The following CSNK1G1 variants were observed in gnomAD, a reference collection of about 807,000 sequenced individuals.
The protein encoded by CSNK1G1 is casein kinase 1 gamma 1, also known as casein kinase I isoform gamma-1.
A neutral mutation model predicts 59.6 loss-of-function variants in CSNK1G1; 22 were observed. The ratio of observed to expected loss-of-function variants is 0.37; its 90% confidence interval spans 0.26 to 0.53. The LOEUF is 0.53. Ranked by LOEUF, CSNK1G1 falls within the 20% of genes least tolerant of loss-of-function variation. The probability of loss-of-function intolerance (pLI) is 0.89; values close to 1 mark genes in which losing one functional copy is unlikely to be tolerated. For missense variants in CSNK1G1, 384 were observed against 519.5 expected (o/e 0.74, Z 2.54); for synonymous variants, 179 against 177.1 (o/e 1.01, Z -0.08).
At chr15:64,293,370 C>T (rs1036271216) in intron 2 of CSNK1G1, among the ~76,000 whole-genome samples, 1 of 152,142 alleles carries the variant, frequency 6.6e-6, no homozygotes, top group African/African-American at 2.4e-5. Flanking sequence ...TTTAACTTCA[C>T]CTATGAACAC....
chr15:64,191,695 A>T (rs2081973651), intron 10 of CSNK1G1, among the ~76,000 whole-genome samples: 2 of 152,176 alleles, frequency 1.3e-5, no homozygotes, highest in South Asian at 4.1e-4. Flanking sequence ...ATAAATAGAA[A>T]ACTAATGTTA....
At chr15:64,224,374 A>G (rs1328502561) in intron 4 of CSNK1G1, among the ~76,000 whole-genome samples, 1 of 152,218 alleles carries the variant, frequency 6.6e-6, no homozygotes, top group Non-Finnish European at 1.5e-5. Context: ...TTAGCAAGAA[A>G]TCAGAAATAG....
At chr15:64,228,998 G>A (rs1317056445) in intron 4 of CSNK1G1, among the ~76,000 whole-genome samples, 13 of 123,002 alleles carry the variant, frequency 1.1e-4, no homozygotes, top group Admixed American at 9.9e-5. Flanking sequence ...CAGCCTGGGC[G>A]ACAGAGTGAG....
At chr15:64,255,867 G>C (rs554505973) in intron 3 of CSNK1G1, among the ~76,000 whole-genome samples, 4 of 152,200 alleles carry the variant, frequency 2.6e-5, no homozygotes, top group Non-Finnish European at 5.9e-5. Context: ...TGGAATGTTT[G>C]TATCTGTAGG....
chr15:64,246,455 C>T (rs1305759039), intron 4 of CSNK1G1, among the ~76,000 whole-genome samples: 2 of 151,946 alleles, frequency 1.3e-5, no homozygotes, highest in Non-Finnish European at 2.9e-5. Context: ...GACTCCATCC[C>T]TACAAAAAAC....
chr15:64,221,200 G>A (rs1433100754), intron 4 of CSNK1G1, among the ~76,000 whole-genome samples: 2 of 152,154 alleles, frequency 1.3e-5, no homozygotes, highest in African/African-American at 4.8e-5. Flanking sequence ...TCTTTCTAAA[G>A]TACAAGCTAA....
Position 64,213,903 on chromosome 15 carries a change from C to T in CSNK1G1, c.666G>A (p.Thr222=), listed in dbSNP as rs139687499. 1.7e-4 allele frequency: 275 copies of T among 1,610,776 alleles called. No individual in the cohort carries two copies. Among genetic ancestry groups the T allele is most frequent in the Non-Finnish European group, 2.2e-4 (254 of 1,177,182 alleles). The change falls in exon 6 of 12, where the codon ACG becomes ACA. Residue 222 remains threonine (T), a synonymous_variant. Coordinates refer to ENST00000303052, the MANE Select transcript of CSNK1G1 (RefSeq NM_022048.5). ...AAAAAAACACACCTTTGCCAAGATG[C>T]GTGTTGATAGACATATATCTTGCAG... ...TGTARYMSIN[T]HLGKEQSRRD... is the part of the protein sequence containing the mutation.
At chr15:64,238,787 G>C (rs931608965) in intron 4 of CSNK1G1, among the ~76,000 whole-genome samples, 2 of 151,744 alleles carry the variant, frequency 1.3e-5, no homozygotes, top group African/African-American at 4.8e-5. Context: ...CCCAGGGATA[G>C]AGATTCACAG....
Position 64,170,965 on chromosome 15 carries a change from G to C in CSNK1G1, c.*966C>G, listed in dbSNP as rs1436213086. 1 of 152,492 alleles carries C rather than the reference G, an allele frequency of 6.6e-6. No homozygotes were observed. The highest frequency in any genetic ancestry group is 2.4e-5 in the African/African-American group (1 of 41,380). 9.4% of individuals were successfully genotyped at this position (152,492 alleles called of 1,614,324 possible). On this transcript the variant is annotated 3_prime_UTR_variant, in exon 12 of 12. Coordinates refer to ENST00000303052, the MANE Select transcript of CSNK1G1 (RefSeq NM_022048.5). ...TTCAAGTATGTTTTCTTGCCAACCT[G>C]AGTGTTCACTCAGAATGACACCGAG... is the stretch of plus-strand genomic sequence containing the variant.
intron 3 of CSNK1G1, among the ~76,000 whole-genome samples, chr15:64,254,846 T>C (rs1253254745): frequency 6.6e-6 from 1 of 152,222 alleles, no homozygotes; most frequent in Non-Finnish European, 1.5e-5. Flanking sequence ...GATTTTGGTG[T>C]CATATCCAAG....
chr15:64,350,343 G>GA (rs2140492469), intron 1 of CSNK1G1, among the ~76,000 whole-genome samples: 1 of 151,564 alleles, frequency 6.6e-6, no homozygotes, highest in South Asian at 2.1e-4. Context: ...AATACAAAAA[G>GA]AAAAAAAATT....
chr15:64,347,645 T>C (rs532240144), intron 1 of CSNK1G1, among the ~76,000 whole-genome samples: 3 of 122,118 alleles, frequency 2.5e-5, no homozygotes, highest in African/African-American at 9.2e-5. Context: ...GGAAGGAAAA[T>C]GTACAGAAAA....
At chr15:64,286,425 T>C (rs1311849830) in intron 2 of CSNK1G1, among the ~76,000 whole-genome samples, 2 of 148,884 alleles carry the variant, frequency 1.3e-5, no homozygotes, top group Non-Finnish European at 3.0e-5. Flanking sequence ...TAACTTCTAG[T>C]TTCACAGTAC....
intron 2 of CSNK1G1, among the ~76,000 whole-genome samples, chr15:64,298,055 C>T (rs1357757249): frequency 6.6e-6 from 1 of 152,192 alleles, no homozygotes; most frequent in African/African-American, 2.4e-5. Flanking sequence ...CTTCTGACTA[C>T]AGGCAAGTCC....
At chr15:64,283,859 T>C (rs1894271669) in intron 2 of CSNK1G1, among the ~76,000 whole-genome samples, 1 of 152,220 alleles carries the variant, frequency 6.6e-6, no homozygotes, top group African/African-American at 2.4e-5. Context: ...TATCTGTTTT[T>C]TTCTTCTACT....
At chr15:64,231,454 C>A (rs2040301752) in intron 4 of CSNK1G1, among the ~76,000 whole-genome samples, 1 of 148,942 alleles carries the variant, frequency 6.7e-6, no homozygotes, top group Non-Finnish European at 1.5e-5. Context: ...TATACACACA[C>A]ACATATACAT....
chr15:64,258,433 T>C (rs1013996451), intron 3 of CSNK1G1, among the ~76,000 whole-genome samples: 1 of 151,214 alleles, frequency 6.6e-6, no homozygotes, highest in Non-Finnish European at 1.5e-5. Context: ...AAGAATAGCA[T>C]AGATTTCCTT....
chr15:64,340,635 G>T (rs745859837), intron 1 of CSNK1G1, among the ~76,000 whole-genome samples: 15 of 152,148 alleles, frequency 9.9e-5, no homozygotes, highest in Non-Finnish European at 1.5e-4. Flanking sequence ...AAGGGCTAAT[G>T]AAGTTGCTAG....
intron 11 of CSNK1G1, among the ~76,000 whole-genome samples, chr15:64,179,716 C>T (rs958358374): frequency 2.0e-5 from 3 of 152,170 alleles, no homozygotes; most frequent in African/African-American, 7.2e-5. Context: ...GACCATGCAG[C>T]GCACCAAGGG....
Sources: allele counts gnomAD v4.1 joint callset (sites outside exome capture counted in the v4.1 genomes callset), GRCh38; gene constraint gnomAD v4.1.1; transcripts MANE v1.5; gene names NCBI Gene and HGNC (gene_info 2026-07-23, HGNC 2026-07-21).